Variants in COL21A1 observed in about 807,000 individuals in gnomAD.
COL21A1 encodes collagen type XXI alpha 1 chain, also known as collagen alpha-1(XXI) chain.
A neutral mutation model predicts 137.9 loss-of-function variants in COL21A1; 149 were observed. The observed-to-expected ratio is 1.08, with a 90% CI of 0.95 to 1.24. COL21A1 has a LOEUF of 1.24. Among genes scored for constraint, COL21A1 ranks in the 50% most tolerant of loss-of-function variants. The probability of loss-of-function intolerance (pLI) is 0.00; values close to 1 mark genes in which losing one functional copy is unlikely to be tolerated. For synonymous variants in COL21A1, 456 were observed against 391.5 expected, an observed-to-expected ratio of 1.16 and a Z score of -1.95; for missense variants, 1,167 against 1,158.4, an observed-to-expected ratio of 1.01 and a Z score of -0.11.
chr6:56,124,213 T>G (rs1418900513), intron 15 of COL21A1, 26 bp downstream of exon 15: 1 of 1,576,486 alleles, frequency 6.3e-7, no homozygotes, highest in Non-Finnish European at 8.6e-7. Context: ...AGCAAAATAC[T>G]AAGAGCTTTT....
chr6:56,334,385 T>C lies in COL21A1; in HGVS notation c.-39+59586A>G, dbSNP rs79315142. ...GCACGTCTGTGGAGATTAAATGACATATGTAAAGCACTTTTGCACACTTTA... is the reference window on the plus strand; with the variant it reads ...GCACGTCTGTGGAGATTAAATGACACATGTAAAGCACTTTTGCACACTTTA... On this transcript the variant is annotated intron_variant, in intron 1 of 28. Transcript: ENST00000370819. Among the ~76,000 whole-genome samples, 449 of 152,208 alleles carry C rather than the reference T, an allele frequency of 2.9e-3. 2 individuals are homozygous for C. Among genetic ancestry groups the C allele is most frequent in the African/African-American group, 0.01 (436 of 41,548 alleles).
At chr6:56,321,325 T>A (rs1377500957) in intron 1 of COL21A1, among the ~76,000 whole-genome samples, 1 of 152,170 alleles carries the variant, frequency 6.6e-6, no homozygotes, top group Non-Finnish European at 1.5e-5. Flanking sequence ...AAAATTGGGT[T>A]CTCTAGGTTC....
At chr6:56,363,028 C>T (rs1227920845) in intron 1 of COL21A1, among the ~76,000 whole-genome samples, 3 of 152,134 alleles carry the variant, frequency 2.0e-5, no homozygotes, top group African/African-American at 7.2e-5. Flanking sequence ...CCAGAAGAGA[C>T]AATCAGTAAC....
chr6:56,135,633 C>T (rs1773941107), intron 12 of COL21A1, among the ~76,000 whole-genome samples: 1 of 152,090 alleles, frequency 6.6e-6, no homozygotes, highest in African/African-American at 2.4e-5. Context: ...TGAAAAACTA[C>T]TGAGAAATAT....
At chr6:56,074,385 A>G in intron 19 of COL21A1, 100 bp from the exon 20 acceptor site, 1 of 732,874 alleles carries the variant, frequency 1.4e-6, no homozygotes, top group African/African-American at 1.8e-5. Flanking sequence ...TAATTCACTA[A>G]ATTATAATAC....
At chr6:56,191,695 G>A (rs2152290829) in intron 1 of COL21A1, among the ~76,000 whole-genome samples, 1 of 151,706 alleles carries the variant, frequency 6.6e-6, no homozygotes, top group South Asian at 2.1e-4. Context: ...ACAAGGGAAG[G>A]ACCTCTTCAA....
At chr6:56,062,042 T>G (rs1765843699) in intron 24 of COL21A1, among the ~76,000 whole-genome samples, 1 of 152,166 alleles carries the variant, frequency 6.6e-6, no homozygotes, top group African/African-American at 2.4e-5. Flanking sequence ...GTATATTTTT[T>G]CTTGTATTCA....
chr6:56,385,870 T>C (rs2152352824), intron 1 of COL21A1, among the ~76,000 whole-genome samples: 1 of 152,210 alleles, frequency 6.6e-6, no homozygotes, highest in Middle Eastern at 3.4e-3. Context: ...TTGAGGTTCT[T>C]CCATGTTGCA....
chr6:56,302,703 T>G (rs1325299378), intron 1 of COL21A1, among the ~76,000 whole-genome samples: 1 of 152,016 alleles, frequency 6.6e-6, no homozygotes, highest in Non-Finnish European at 1.5e-5. Context: ...GATGGTAGTT[T>G]CTTTTGCTGT....
At chr6:56,104,484 A>T (rs1770706772) in intron 16 of COL21A1, among the ~76,000 whole-genome samples, 1 of 152,150 alleles carries the variant, frequency 6.6e-6, no homozygotes, top group South Asian at 2.1e-4. Flanking sequence ...GAAATAATCA[A>T]ATGCAAGATA....
At chr6:56,166,460 T>C (rs1358711694) in intron 7 of COL21A1, among the ~76,000 whole-genome samples, 1 of 152,130 alleles carries the variant, frequency 6.6e-6, no homozygotes, top group Non-Finnish European at 1.5e-5. Flanking sequence ...GAGACCAGCC[T>C]GGCCAACATG....
intron 1 of COL21A1, among the ~76,000 whole-genome samples, chr6:56,369,876 G>A (rs931174639): frequency 3.3e-5 from 5 of 152,118 alleles, no homozygotes; most frequent in African/African-American, 1.2e-4. Context: ...AGCTATTAAA[G>A]GTAATCACAC....
chr6:56,156,767 T>C, intron 10 of COL21A1, 120 bp downstream of exon 10: 1 of 806,872 alleles, frequency 1.2e-6, no homozygotes, highest in East Asian at 2.7e-5. Flanking sequence ...CAGTCTCTCC[T>C]TCCTATGGCA....
intron 1 of COL21A1, among the ~76,000 whole-genome samples, chr6:56,223,906 G>A (rs145007996): frequency 2.6e-5 from 4 of 151,626 alleles, no homozygotes; most frequent in African/African-American, 9.8e-5. Context: ...CTCATGGAGT[G>A]TTCTGTGCAT....
At chr6:56,214,997 T>C (rs559081872) in intron 1 of COL21A1, among the ~76,000 whole-genome samples, 2 of 152,098 alleles carry the variant, frequency 1.3e-5, no homozygotes, top group Non-Finnish European at 2.9e-5. Context: ...CTTGGTCAGC[T>C]CTTCATCACA....
chr6:56,176,692 G>A (rs542038332), intron 3 of COL21A1, among the ~76,000 whole-genome samples: 24 of 151,358 alleles, frequency 1.6e-4, no homozygotes, highest in African/African-American at 5.6e-4. Context: ...AAGGAAGGAG[G>A]GAGGTTTCAG....
rs762424677 is a variant in COL21A1 at position 56,060,983 on chromosome 6, A to G, written c.2260T>C (p.Ser754Pro). 5.0e-6 allele frequency: 8 copies of G among 1,608,534 alleles called. No individual in the cohort carries two copies. In the Admixed American group the frequency reaches 5.1e-5, roughly 10 times the overall value. The stretch of plus-strand genomic sequence containing the variant: ...GGCCCCATCAAGCCATCCACCCCAG[A>G]TTCTCCTTTTGATCCAATGGCACCT... ...VRGAIGSKGE[S>P]GVDGLMGPAG... The change falls in exon 26 of 30, where the codon TCT (serine) becomes CCT (proline). Residue 754 changes from serine (S) to proline (P), a missense_variant. Coordinates refer to ENST00000244728, the MANE Select transcript of COL21A1 (RefSeq NM_030820.4).
chr6:56,364,366 C>A (rs114327401), intron 1 of COL21A1, among the ~76,000 whole-genome samples: 12 of 152,302 alleles, frequency 7.9e-5, no homozygotes, highest in African/African-American at 2.6e-4. Context: ...CAAACAGTTT[C>A]TTTGACTAGC....
At chr6:56,257,100 C>T (rs1782991140) in intron 1 of COL21A1, among the ~76,000 whole-genome samples, 1 of 152,006 alleles carries the variant, frequency 6.6e-6, no homozygotes, top group Admixed American at 6.5e-5. Flanking sequence ...GTGTCAAAAG[C>T]AGAAGCTGAA....
Sources: gnomAD v4.1 joint callset for allele counts (sites outside exome capture counted in the v4.1 genomes callset) on GRCh38, gnomAD v4.1.1 for gene constraint, MANE v1.5 for transcripts, NCBI Gene and HGNC (gene_info 2026-07-23, HGNC 2026-07-21) for gene names.